SPAG16: variants seen among roughly 807,000 people sequenced by gnomAD.
SPAG16 encodes sperm-associated antigen 16 protein.
SPAG16 carries 86 observed loss-of-function variants against 80.4 expected under a neutral mutation model. That is an observed-to-expected ratio of 1.07 (90% CI 0.90 to 1.28). The LOEUF is 1.28. Among genes scored for constraint, SPAG16 ranks in the 50% most tolerant of loss-of-function variants. SPAG16 has a pLI of 0.00. For missense variants in SPAG16, 870 were observed against 765.3 expected (o/e 1.14, Z -1.61); for synonymous variants, 294 against 265.9 (o/e 1.11, Z -1.03).
At chr2:214,275,706 C>T (rs1338836912) in intron 15 of SPAG16, among the ~76,000 whole-genome samples, 2 of 152,166 alleles carry the variant, frequency 1.3e-5, no homozygotes, top group Non-Finnish European at 2.9e-5. Flanking sequence ...GAGTGCTTTA[C>T]TTCCAACTAT....
At chr2:213,739,448 T>G (rs1053888431) in intron 10 of SPAG16, among the ~76,000 whole-genome samples, 1 of 152,226 alleles carries the variant, frequency 6.6e-6, no homozygotes, top group African/African-American at 2.4e-5. Flanking sequence ...CTTACCTTAC[T>G]TAGATAGATA....
intron 7 of SPAG16, among the ~76,000 whole-genome samples, chr2:213,363,468 A>G (rs1455730170): frequency 6.6e-6 from 1 of 152,102 alleles, no homozygotes; most frequent in Non-Finnish European, 1.5e-5. Context: ...AACAGATGGT[A>G]TTTTGTGTTG....
In SPAG16 at chr2:213,438,686, G is replaced by A. The variant is rs866313813; in HGVS notation, c.943-51277G>A. The stretch of plus-strand genomic sequence containing the variant: ...TGTGGGCAAAACCTGTAAGTATGAC[G>A]AGATGGTACTCCTGGGATTATGTTA... On this transcript the variant is annotated intron_variant, in intron 9 of 15. Transcript: ENST00000331683. Among the ~76,000 whole-genome samples the A allele has an allele frequency of 9.2e-5, 14 of 152,308 alleles. 1 individual carries two copies. Among genetic ancestry groups the A allele is most frequent in the South Asian group, 2.1e-4 (1 of 4,824 alleles).
intron 10 of SPAG16, among the ~76,000 whole-genome samples, chr2:213,523,127 C>A (rs954518819): frequency 6.6e-6 from 1 of 152,018 alleles, no homozygotes; most frequent in Non-Finnish European, 1.5e-5. Flanking sequence ...TGGGAGGGAC[C>A]CAGTGGGAGG....
At chr2:213,907,369 A>G (rs1374096921) in intron 11 of SPAG16, among the ~76,000 whole-genome samples, 1 of 152,136 alleles carries the variant, frequency 6.6e-6, no homozygotes, top group African/African-American at 2.4e-5. Flanking sequence ...TATCAAAGAG[A>G]ACAAAATAAA....
chr2:213,490,717 T>G (rs1327288986), intron 10 of SPAG16, among the ~76,000 whole-genome samples: 1 of 152,172 alleles, frequency 6.6e-6, no homozygotes, highest in African/African-American at 2.4e-5. Context: ...GGCCAGCTTT[T>G]GTTGATAATC....
At chr2:213,461,383 AT>A (rs2072350658) in intron 9 of SPAG16, among the ~76,000 whole-genome samples, 1 of 152,190 alleles carries the variant, frequency 6.6e-6, no homozygotes, top group Non-Finnish European at 1.5e-5. Flanking sequence ...AATCTTAGGA[AT>A]TTAAACTTTA....
intron 10 of SPAG16, among the ~76,000 whole-genome samples, chr2:213,860,472 T>TATATATATAGATATATGTATATATATA (rs2075399908): frequency 7.9e-6 from 1 of 126,086 alleles, no homozygotes; most frequent in African/African-American, 2.8e-5. Context: ...GATATATCTA[T>TATATATATAGATATATGTATATATATA]CTATATATAT....
intron 15 of SPAG16, among the ~76,000 whole-genome samples, chr2:214,202,561 ATCCTC>A (rs2058038963): frequency 1.3e-5 from 2 of 152,220 alleles, no homozygotes; most frequent in African/African-American, 4.8e-5. Context: ...GAGGTAAATT[ATCCTC>A]AAGAAAGAAA....
In SPAG16 at chr2:213,497,732, C is replaced by T. The variant is rs74410231; in HGVS notation, c.1070+7642C>T. ...ACATAAAAATCCCACCCTTTAACTACGGTTGGTAAGAAATGAAACTATGCT... is the reference window on the plus strand; with the variant it reads ...ACATAAAAATCCCACCCTTTAACTATGGTTGGTAAGAAATGAAACTATGCT... On this transcript the variant is annotated intron_variant, in intron 10 of 15. Transcript: ENST00000331683. 9.0e-3 allele frequency among the ~76,000 whole-genome samples: 1,368 copies of T among 152,092 alleles called. 10 individuals are homozygous for T. Among genetic ancestry groups the T allele is most frequent in the Middle Eastern group, 0.031 (9 of 294 alleles).
intron 15 of SPAG16, among the ~76,000 whole-genome samples, chr2:214,243,066 A>T (rs1689605263): frequency 6.6e-6 from 1 of 152,192 alleles, no homozygotes. Flanking sequence ...CTGAGGCATC[A>T]TCCAAATTTA....
At chr2:213,738,388 C>T (rs2067391435) in intron 10 of SPAG16, among the ~76,000 whole-genome samples, 1 of 152,124 alleles carries the variant, frequency 6.6e-6, no homozygotes, top group African/African-American at 2.4e-5. Context: ...GAAGATAGAG[C>T]ATATGAGAGT....
At chr2:213,751,670 C>T (rs562125024) in intron 10 of SPAG16, among the ~76,000 whole-genome samples, 4 of 152,184 alleles carry the variant, frequency 2.6e-5, no homozygotes, top group African/African-American at 7.2e-5. Flanking sequence ...CTGACGCACA[C>T]GCACGCCTGA....
chr2:213,563,196 T>A, intron 10 of SPAG16, among the ~76,000 whole-genome samples: 1 of 152,250 alleles, frequency 6.6e-6, no homozygotes, highest in Non-Finnish European at 1.5e-5. Context: ...ATATTCATAA[T>A]TATAGTTTTA....
intron 13 of SPAG16, among the ~76,000 whole-genome samples, chr2:214,026,558 C>G (rs993642256): frequency 2.0e-5 from 3 of 151,384 alleles, no homozygotes; most frequent in African/African-American, 7.3e-5. Flanking sequence ...TCTTTATAAA[C>G]TAATATATAG....
At chr2:213,914,938 T>G (rs1196325003) in intron 11 of SPAG16, among the ~76,000 whole-genome samples, 2 of 152,180 alleles carry the variant, frequency 1.3e-5, no homozygotes, top group South Asian at 4.1e-4. Flanking sequence ...TGTAGTGTAT[T>G]AGCCTATTCT....
chr2:214,022,685 G>T (rs149607067), intron 13 of SPAG16, among the ~76,000 whole-genome samples: 1 of 149,350 alleles, frequency 6.7e-6, no homozygotes, highest in Admixed American at 6.8e-5. Flanking sequence ...AACAATGGAG[G>T]GTGAAAAAGA....
intron 10 of SPAG16, among the ~76,000 whole-genome samples, chr2:213,849,783 G>A (rs933978): frequency 0.25 from 37,770 of 152,048 alleles, 5,222 homozygotes; most frequent in South Asian, 0.37. Flanking sequence ...TCTACTCTCT[G>A]TCATTAATAT....
intron 11 of SPAG16, among the ~76,000 whole-genome samples, chr2:213,871,838 T>TCA (rs1045988177): frequency 0.02 from 2,065 of 101,614 alleles, 42 homozygotes; most frequent in African/African-American, 0.061. Context: ...CTCAGGAAAT[T>TCA]CACACACACA....
Sources: gnomAD v4.1 joint callset for allele counts (sites outside exome capture counted in the v4.1 genomes callset) on GRCh38, gnomAD v4.1.1 for gene constraint, MANE v1.5 for transcripts, NCBI Gene and HGNC (gene_info 2026-07-23, HGNC 2026-07-21) for gene names.